The following CKAP2L variants were observed in gnomAD, a reference collection of about 807,000 sequenced individuals.
CKAP2L encodes cytoskeleton-associated protein 2-like.
CKAP2L carries 42 observed loss-of-function variants against 65.7 expected under a neutral mutation model. The ratio of observed to expected loss-of-function variants is 0.64; its 90% CI spans 0.50 to 0.83. The LOEUF is 0.83. Among genes scored for constraint, CKAP2L ranks in the 40% least tolerant of loss-of-function variants. The pLI, the probability that CKAP2L is intolerant of heterozygous loss-of-function variation, is 0.00. For missense variants in CKAP2L, 908 were observed against 871.0 expected, an observed-to-expected ratio of 1.04 and a Z score of -0.53; for synonymous variants, 325 against 313.5, an observed-to-expected ratio of 1.04 and a Z score of -0.39.
chr2:112,741,269 ACT>A (rs1391499643), intron 7 of CKAP2L, among the ~76,000 whole-genome samples: 1 of 151,314 alleles, frequency 6.6e-6, no homozygotes, highest in African/African-American at 2.4e-5. Flanking sequence ...CCCTTTCAAG[ACT>A]CTGAACATAT....
rs990595488 is a variant in CKAP2L at position 112,737,425 on chromosome 2, T to C, written c.*1398A>G. 3 of 152,224 alleles carry C rather than the reference T, an allele frequency of 2.0e-5. No homozygotes were observed. Among genetic ancestry groups the C allele is most frequent in the African/African-American group, 7.2e-5 (3 of 41,452 alleles). 9.4% of individuals were successfully genotyped at this position (152,224 alleles called of 1,614,324 possible). A position where few individuals can be genotyped will look rare whatever the true frequency, so the allele number is the denominator to read the frequency against. On this transcript the variant is annotated 3_prime_UTR_variant, in exon 9 of 9. Transcript: ENST00000302450. ...TTGTTAATAGCCATTCTTATAGATG[T>C]GAGGTGATAGCTCACAGTGGTTTTA...
At chr2:112,751,579 T>C (rs1015919652) in intron 5 of CKAP2L, among the ~76,000 whole-genome samples, 3 of 152,162 alleles carry the variant, frequency 2.0e-5, no homozygotes, top group African/African-American at 7.2e-5. Flanking sequence ...CAAGGAGAAA[T>C]AGTTAATATT....
Position 112,752,400 on chromosome 2 carries a change from C to T in CKAP2L, c.1469G>A (p.Arg490Lys), listed in dbSNP as rs1431111093. 1 of 1,612,456 alleles carries T rather than the reference C, an allele frequency of 6.2e-7. No individual in the cohort carries two copies. The change falls in exon 5 of 9, where the codon AGA (arginine) becomes AAA (lysine). Residue 490 changes from arginine to lysine, a missense_variant. Transcript: ENST00000302450. ...AATATTCATTTCCTTTATTACTTTT[C>T]TTTTTGTTTTAAGTTCCATAGGAGG... is the stretch of plus-strand genomic sequence containing the variant. ...KRPPMELKTK[R>K]KVIKEMNISF...
intron 3 of CKAP2L, among the ~76,000 whole-genome samples, chr2:112,757,753 G>A (rs1475518695): frequency 5.3e-5 from 8 of 152,162 alleles, no homozygotes; most frequent in Non-Finnish European, 1.2e-4. Context: ...TAGCTTGACA[G>A]AATTAAGCAG....
At chr2:112,752,000 T>C (rs946084887) in intron 5 of CKAP2L, among the ~76,000 whole-genome samples, 1 of 152,202 alleles carries the variant, frequency 6.6e-6, no homozygotes, top group Non-Finnish European at 1.5e-5. Context: ...TCCAACTTCT[T>C]TGTGCCTCAG....
At position 112,748,427 on chromosome 2, in the gene CKAP2L, C is replaced by T. The variant is rs188943291; in HGVS notation, c.1603-1852G>A. Among the ~76,000 whole-genome samples, 25 of 143,224 alleles carry T rather than the reference C, an allele frequency of 1.7e-4. No homozygotes were observed. The East Asian group carries it at 5.2e-3, about 30-fold the overall frequency. The allele number at this position is 143,224 out of a possible 152,430, so 94.0% of individuals were successfully genotyped here. A position where few individuals can be genotyped will look rare whatever the true frequency, so the allele number is the denominator to read the frequency against. On this transcript the variant is annotated intron_variant, in intron 5 of 8. Transcript: ENST00000302450. ...AAAACAAGCTGAAATTAAGAAATTT[C>T]CCCCAGCCAAACTATGATTCCAGCA...
At chr2:112,746,399 C>A in intron 6 of CKAP2L, 21 bp downstream of exon 6, 2 of 1,549,232 alleles carry the variant, frequency 1.3e-6, no homozygotes, top group African/African-American at 1.4e-5. Context: ...AAGAAGTTAC[C>A]CACCCAAGAC....
intron 8 of CKAP2L, 133 bp downstream of exon 8, chr2:112,740,685 A>G: frequency 2.9e-6 from 2 of 688,776 alleles, no homozygotes; most frequent in Non-Finnish European, 5.1e-6. Flanking sequence ...GCATTCTAAT[A>G]CCCCTCCTGA....
Position 112,739,101 on chromosome 2 carries a change from TTTA to T in CKAP2L, c.2013-56_2013-54del, listed in dbSNP as rs1300939102. The T allele has an allele frequency of 1.4e-5, 19 of 1,332,398 alleles. No homozygotes were observed. The African/African-American group carries it at 1.9e-4, about 14-fold the overall frequency. The allele number at this position is 1,332,398 out of a possible 1,614,324, so 82.5% of individuals were successfully genotyped here. ...AACCTTATCATTTAAAAAAATTATCTTTATTATTTTTTGTTTCTTATTCAATAA... is the reference window on the plus strand; with the variant it reads ...AACCTTATCATTTAAAAAAATTATCTTTATTTTTTGTTTCTTATTCAATAA... On this transcript the variant is annotated intron_variant, in intron 8 of 8. Transcript: ENST00000302450.
intron 6 of CKAP2L, among the ~76,000 whole-genome samples, chr2:112,745,891 A>G (rs1180544998): frequency 2.0e-5 from 3 of 152,184 alleles, no homozygotes; most frequent in Non-Finnish European, 4.4e-5. Flanking sequence ...CATATCTAAA[A>G]CTGAAAAATC....
chr2:112,741,096 A>G, intron 7 of CKAP2L, 89 bp from the exon 8 acceptor site: 1 of 837,596 alleles, frequency 1.2e-6, no homozygotes, highest in African/African-American at 1.7e-5. Context: ...CATACATACA[A>G]TGATTTCCCA....
intron 2 of CKAP2L, 24 bp downstream of exon 2, chr2:112,762,479 G>GT (rs1558764922): frequency 2.1e-5 from 34 of 1,601,014 alleles, no homozygotes; most frequent in Non-Finnish European, 2.7e-5. Flanking sequence ...CAAAACTTGC[G>GT]TAACTGTGGA....
At position 112,737,592 on chromosome 2, in the gene CKAP2L, G is replaced by C. The variant is rs558395729; in HGVS notation, c.*1231C>G. ...TTATTAGTTTTTCCACAATTGAGTTGTAAGAGTCTCTTATTGAAAGTCTGC... is the reference window on the plus strand; with the variant it reads ...TTATTAGTTTTTCCACAATTGAGTTCTAAGAGTCTCTTATTGAAAGTCTGC... On this transcript the variant is annotated 3_prime_UTR_variant, in exon 9 of 9. Coordinates refer to ENST00000302450, the MANE Select transcript of CKAP2L (RefSeq NM_152515.5). 5.9e-5 allele frequency: 9 copies of C among 152,212 alleles called. No homozygotes were observed. The highest frequency in any genetic ancestry group is 5.2e-4 in the Admixed American group (8 of 15,282). 9.4% of individuals were successfully genotyped at this position (152,212 alleles called of 1,614,324 possible).
chr2:112,743,882 C>G (rs1680112856), intron 6 of CKAP2L, among the ~76,000 whole-genome samples: 1 of 152,002 alleles, frequency 6.6e-6, no homozygotes, highest in African/African-American at 2.4e-5. Flanking sequence ...CTTTATTTTT[C>G]AAGTATGTAA....
rs1324016830 is a variant in CKAP2L, at chr2:112,742,954, AATTCTG to A, written c.1759-191_1759-186del. 3 of 561,714 alleles carry A rather than the reference AATTCTG, an allele frequency of 5.3e-6. No individual in the cohort carries two copies. In the African/African-American group the frequency reaches 5.6e-5, roughly 11 times the overall value. 34.8% of individuals were successfully genotyped at this position (561,714 alleles called of 1,614,324 possible). On this transcript the variant is annotated intron_variant, in intron 6 of 8. Coordinates refer to ENST00000302450, the MANE Select transcript of CKAP2L (RefSeq NM_152515.5). ...ATGAGAAAAGTAAAGGAACAGAGAA[AATTCTG>A]ATTAAGTGTTGGCACACTCGACTTA...
chr2:112,751,724 A>T (rs1680378259), intron 5 of CKAP2L, among the ~76,000 whole-genome samples: 1 of 152,168 alleles, frequency 6.6e-6, no homozygotes, highest in African/African-American at 2.4e-5. Flanking sequence ...AGTTTATTCC[A>T]TCATTTTTTA....
chr2:112,752,856 C>A (rs1276683212), intron 4 of CKAP2L, among the ~76,000 whole-genome samples: 4 of 152,204 alleles, frequency 2.6e-5, no homozygotes, highest in Admixed American at 2.6e-4. Flanking sequence ...AGCTGTCACT[C>A]AACCCAAACC....
chr2:112,745,000 A>G (rs897624541), intron 6 of CKAP2L, among the ~76,000 whole-genome samples: 3 of 152,232 alleles, frequency 2.0e-5, no homozygotes, highest in Non-Finnish European at 4.4e-5. Flanking sequence ...TGTAGGAAGA[A>G]GAAAACTAAT....
intron 8 of CKAP2L, among the ~76,000 whole-genome samples, chr2:112,740,292 T>C (rs955306200): frequency 1.3e-5 from 2 of 152,192 alleles, no homozygotes; most frequent in East Asian, 3.8e-4. Context: ...GGTGCCCTTG[T>C]TTGGAATTCT....
Sources: allele counts gnomAD v4.1 joint callset (sites outside exome capture counted in the v4.1 genomes callset), GRCh38; gene constraint gnomAD v4.1.1; transcripts MANE v1.5; gene names NCBI Gene and HGNC (gene_info 2026-07-23, HGNC 2026-07-21).